Variants in FAM168B observed in about 807,000 individuals in gnomAD.
FAM168B encodes the protein family with sequence similarity 168 member B.
Under a neutral mutation model 21.8 loss-of-function variants are expected in FAM168B, and 19 were observed. That is an observed-to-expected ratio of 0.87 (90% CI 0.61 to 1.28). The LOEUF (loss-of-function observed/expected upper bound fraction) is 1.28. FAM168B is among the 50% of genes most tolerant of loss of function. The pLI, the probability that FAM168B is intolerant of heterozygous loss-of-function variation, is 0.00. For synonymous variants in FAM168B, 126 were observed against 104.8 expected, an observed-to-expected ratio of 1.20 and a Z score of -1.24; for missense variants, 233 against 263.1, an observed-to-expected ratio of 0.89 and a Z score of 0.79.
In FAM168B at chr2:131,051,903, C is replaced by T. The variant is rs1691701042; in HGVS notation, c.*562G>A. 1 of 985,338 alleles carries T rather than the reference C, an allele frequency of 1.0e-6. No individual in the cohort carries two copies. Among genetic ancestry groups the T allele is most frequent in the East Asian group, 1.1e-4 (1 of 8,836 alleles). 61.0% of individuals were successfully genotyped at this position (985,338 alleles called of 1,614,324 possible). A position where few individuals can be genotyped will look rare whatever the true frequency, so the allele number is the denominator to read the frequency against. On this transcript the variant is annotated 3_prime_UTR_variant, in exon 7 of 7. Transcript: ENST00000389915. ...CCCAGGACAGTCAGTGCCAAAGAAA[C>T]AGGTCGCTGAAAACTAAAATGTCCA...
chr2:131,087,063 C>CAAA lies in FAM168B; in HGVS notation c.-11-4409_-11-4407dup, dbSNP rs70994735. Reference sequence around the variant, plus strand: ...CCTGGGCGACAGCGAGACTCCGTCTCAAAAAAAAAAAAAAAAAAAAAAGAG... The same window carrying CAAA: ...CCTGGGCGACAGCGAGACTCCGTCTCAAAAAAAAAAAAAAAAAAAAAAAAAGAG... On this transcript the variant is annotated intron_variant, in intron 1 of 6. Transcript: ENST00000389915. Among the ~76,000 whole-genome samples the CAAA allele has an allele frequency of 9.2e-3, 352 of 38,430 alleles. 17 individuals are homozygous for CAAA. Among genetic ancestry groups the CAAA allele is most frequent in the African/African-American group, 0.015 (54 of 3,586 alleles). The allele number at this position is 38,430 out of a possible 152,430, so 25.2% of individuals were successfully genotyped here.
chr2:131,075,783 C>T (rs115409748), intron 2 of FAM168B, among the ~76,000 whole-genome samples: 2,910 of 152,236 alleles, frequency 0.019, 48 homozygotes, highest in African/African-American at 0.048. Flanking sequence ...CCACCGCGCC[C>T]GGCCCCCCAG....
chr2:131,082,722 C>A, intron 1 of FAM168B, 65 bp from the exon 2 acceptor site: 1 of 1,019,188 alleles, frequency 9.8e-7, no homozygotes, highest in Non-Finnish European at 1.5e-6. Flanking sequence ...CAGTACCAGT[C>A]CCCAAAAAGC....
chr2:131,077,212 T>A lies in FAM168B; in HGVS notation c.71-5274A>T, dbSNP rs1260223423. On this transcript the variant is annotated intron_variant, in intron 2 of 6. Coordinates refer to ENST00000389915, the MANE Select transcript of FAM168B (RefSeq NM_001009993.4). The stretch of plus-strand genomic sequence containing the variant: ...GGAGTGTATGTAACGCTATTACATT[T>A]AAAAAAAAAAAAAAAAAAAAGAACA... Among the ~76,000 whole-genome samples the A allele has an allele frequency of 1.8e-3, 234 of 130,270 alleles. 1 individual carries two copies. Among genetic ancestry groups the A allele is most frequent in the Non-Finnish European group, 2.9e-3 (174 of 59,892 alleles). 85.5% of individuals were successfully genotyped at this position (130,270 alleles called of 152,430 possible). A position where few individuals can be genotyped will look rare whatever the true frequency, so the allele number is the denominator to read the frequency against.
At chr2:131,070,593 C>G (rs1344342776) in intron 3 of FAM168B, among the ~76,000 whole-genome samples, 2 of 152,210 alleles carry the variant, frequency 1.3e-5, no homozygotes, top group Admixed American at 6.5e-5. Flanking sequence ...ACACAATAAC[C>G]TGCATATAAA....
At chr2:131,092,074 G>A (rs1368696224) in intron 1 of FAM168B, among the ~76,000 whole-genome samples, 1 of 151,728 alleles carries the variant, frequency 6.6e-6, no homozygotes, top group African/African-American at 2.4e-5. Flanking sequence ...AATCCGGGAG[G>A]CGGAGCTTGC....
chr2:131,075,491 CTT>C (rs1693100340), intron 2 of FAM168B, among the ~76,000 whole-genome samples: 2 of 150,630 alleles, frequency 1.3e-5, no homozygotes, highest in African/African-American at 5.0e-5. Context: ...CCCATCCCCA[CTT>C]TCTTTCTTTT....
rs571645306 is a variant in FAM168B at position 131,084,863 on chromosome 2, C to G, written c.-11-2206G>C. ...TCAGCCTCCAGAGTAGCCAGGACTA[C>G]AGGTGTGCATCGCCACGTCTGGCTC... On this transcript the variant is annotated intron_variant, in intron 1 of 6. Coordinates refer to ENST00000389915, the MANE Select transcript of FAM168B (RefSeq NM_001009993.4). 3.3e-5 allele frequency among the ~76,000 whole-genome samples: 5 copies of G among 152,290 alleles called. No individual in the cohort carries two copies. The South Asian group carries it at 1.0e-3, about 32-fold the overall frequency.
At chr2:131,075,945 T>C (rs2105542203) in intron 2 of FAM168B, among the ~76,000 whole-genome samples, 1 of 152,326 alleles carries the variant, frequency 6.6e-6, no homozygotes, top group South Asian at 2.1e-4. Context: ...AGACAGCCTC[T>C]GCTGCTTCCG....
intron 2 of FAM168B, among the ~76,000 whole-genome samples, chr2:131,077,003 C>A (rs550568779): frequency 1.6e-4 from 24 of 152,148 alleles, no homozygotes; most frequent in Non-Finnish European, 2.2e-4. Context: ...TCCTAACAAT[C>A]ACATGTGCAT....
chr2:131,051,001 A>G lies in FAM168B; in HGVS notation c.*1464T>C. 3.0e-6 allele frequency: 3 copies of G among 985,430 alleles called. No individual in the cohort carries two copies. Among genetic ancestry groups the G allele is most frequent in the Non-Finnish European group, 3.6e-6 (3 of 829,952 alleles). The allele number at this position is 985,430 out of a possible 1,614,324, so 61.0% of individuals were successfully genotyped here. ...CGGGCATATTTTGGGGGCGGGGTGG[A>G]GGGAAGCCTTTTCATTTCTTATGTA... On this transcript the variant is annotated 3_prime_UTR_variant, in exon 7 of 7. Coordinates refer to ENST00000389915, the MANE Select transcript of FAM168B (RefSeq NM_001009993.4).
chr2:131,071,412 T>A (rs2105522096), intron 3 of FAM168B, among the ~76,000 whole-genome samples: 1 of 152,360 alleles, frequency 6.6e-6, no homozygotes, highest in Middle Eastern at 3.4e-3. Context: ...CTTTTAATAT[T>A]AACAGTGATT....
At chr2:131,085,520 G>A (rs1276093250) in intron 1 of FAM168B, among the ~76,000 whole-genome samples, 5 of 152,094 alleles carry the variant, frequency 3.3e-5, no homozygotes, top group Admixed American at 6.6e-5. Context: ...CCATTACGAA[G>A]ACAAAATACA....
intron 1 of FAM168B, among the ~76,000 whole-genome samples, chr2:131,090,886 T>C (rs1238631561): frequency 2.6e-5 from 4 of 152,012 alleles, no homozygotes; most frequent in Non-Finnish European, 4.4e-5. Context: ...CCTGCCACCA[T>C]GCCCGGCTAA....
intron 1 of FAM168B, among the ~76,000 whole-genome samples, chr2:131,089,180 G>T (rs1236592627): frequency 3.3e-5 from 5 of 151,794 alleles, no homozygotes; most frequent in Admixed American, 3.3e-4. Context: ...TGGTCAGGTT[G>T]GTCTCGAACT....
At chr2:131,079,345 C>T (rs1179207301) in intron 2 of FAM168B, among the ~76,000 whole-genome samples, 2 of 152,164 alleles carry the variant, frequency 1.3e-5, no homozygotes, top group East Asian at 3.8e-4. Flanking sequence ...GCACGCACCA[C>T]ATACCTGTAA....
At chr2:131,056,277 C>G (rs893644944) in intron 3 of FAM168B, among the ~76,000 whole-genome samples, 1 of 152,070 alleles carries the variant, frequency 6.6e-6, no homozygotes, top group African/African-American at 2.4e-5. Context: ...TGTCCCCACA[C>G]AAAATGACAT....
chr2:131,092,974 C>T (rs1694111610), intron 1 of FAM168B, among the ~76,000 whole-genome samples: 1 of 151,958 alleles, frequency 6.6e-6, no homozygotes, highest in African/African-American at 2.4e-5. Flanking sequence ...GAAGCCACCT[C>T]GGCCACCTAG....
At position 131,049,212 on chromosome 2, in the gene FAM168B, G is replaced by C; in HGVS notation, c.*3253C>G. 1.0e-6 allele frequency: 1 copy of C among 985,344 alleles called. No individual in the cohort carries two copies. Among genetic ancestry groups the C allele is most frequent in the Non-Finnish European group, 1.2e-6 (1 of 829,934 alleles). The allele number at this position is 985,344 out of a possible 1,614,324, so 61.0% of individuals were successfully genotyped here. ...CAAGACACATGCAAATTATTTCCTA[G>C]ACCTCATTCATCACAGCCAGATGAT... On this transcript the variant is annotated 3_prime_UTR_variant, in exon 7 of 7. Coordinates refer to ENST00000389915, the MANE Select transcript of FAM168B (RefSeq NM_001009993.4).
Sources: gnomAD v4.1 joint callset for allele counts (sites outside exome capture counted in the v4.1 genomes callset) on GRCh38, gnomAD v4.1.1 for gene constraint, MANE v1.5 for transcripts, NCBI Gene and HGNC (gene_info 2026-07-23, HGNC 2026-07-21) for gene names.